FSTL4: variants seen among roughly 807,000 people sequenced by gnomAD.
FSTL4 encodes the protein follistatin-related protein 4.
In FSTL4, 28 loss-of-function variants were observed where a neutral mutation model predicts 78.2. The ratio of observed to expected loss-of-function variants is 0.36; its 90% CI spans 0.27 to 0.49. The LOEUF (loss-of-function observed/expected upper bound fraction) is 0.49, where lower values mean the gene tolerates loss of function less well. Among genes scored for constraint, FSTL4 ranks in the 20% least tolerant of loss-of-function variants. The pLI, the probability that FSTL4 is intolerant of heterozygous loss-of-function variation, is 0.98. For missense variants in FSTL4, 922 were observed against 1,084.9 expected, an observed-to-expected ratio of 0.85 and a Z score of 2.11; for synonymous variants, 422 against 440.5, an observed-to-expected ratio of 0.96 and a Z score of 0.53.
chr5:133,619,149 A>G, the FSTL4 span, among the ~76,000 whole-genome samples: 148 of 152,178 alleles, frequency 9.7e-4, no homozygotes, highest in Admixed American at 4.0e-3. Flanking sequence ...AGCTGGGGAG[A>G]CAAAGAGGTA....
At chr5:133,657,370 T>A in the FSTL4 span, among the ~76,000 whole-genome samples, 5,834 of 152,222 alleles carry the variant, frequency 0.038, 139 homozygotes, top group East Asian at 0.084. Context: ...CCCCAAGAGA[T>A]AGTAGTTACC....
At chr5:133,408,674 A>G (rs945331761) in intron 3 of FSTL4, among the ~76,000 whole-genome samples, 1 of 152,008 alleles carries the variant, frequency 6.6e-6, no homozygotes, top group Non-Finnish European at 1.5e-5. Context: ...ACACAGTAAA[A>G]CCTTGGCCTC....
At chr5:133,421,419 C>A (rs563986699) in intron 3 of FSTL4, among the ~76,000 whole-genome samples, 1 of 152,384 alleles carries the variant, frequency 6.6e-6, no homozygotes, top group South Asian at 2.1e-4. Context: ...GTTCTGGCTA[C>A]AGCCACTGTC....
At chr5:133,341,225 ATTTTT>A (rs1242311488) in intron 4 of FSTL4, among the ~76,000 whole-genome samples, 8 of 125,514 alleles carry the variant, frequency 6.4e-5, no homozygotes, top group Non-Finnish European at 1.2e-4. Context: ...TCCTGCTCAC[ATTTTT>A]TTTTTTTTTT....
chr5:133,265,689 C>T (rs1215547934), intron 6 of FSTL4, among the ~76,000 whole-genome samples: 1 of 152,184 alleles, frequency 6.6e-6, no homozygotes, highest in African/African-American at 2.4e-5. Flanking sequence ...GGAGTCACTC[C>T]CCCTCCCACT....
intron 2 of FSTL4, among the ~76,000 whole-genome samples, chr5:133,594,630 C>T (rs187155285): frequency 6.6e-6 from 1 of 152,320 alleles, no homozygotes; most frequent in East Asian, 1.9e-4. Flanking sequence ...CCTGGCAGGC[C>T]TCTCCCGTTT....
intron 14 of FSTL4, among the ~76,000 whole-genome samples, chr5:133,208,641 G>A (rs576530725): frequency 9.9e-5 from 15 of 152,210 alleles, no homozygotes; most frequent in Non-Finnish European, 1.6e-4. Context: ...TTATCTTTCA[G>A]ACTACTATTT....
chr5:133,681,336 A>G, the FSTL4 span, among the ~76,000 whole-genome samples: 1 of 152,230 alleles, frequency 6.6e-6, no homozygotes, highest in African/African-American at 2.4e-5. Flanking sequence ...ACACGGGCAT[A>G]TGCGCTCCTG....
At chr5:133,780,005 T>C in the FSTL4 span, among the ~76,000 whole-genome samples, 1 of 152,092 alleles carries the variant, frequency 6.6e-6, no homozygotes, top group Non-Finnish European at 1.5e-5. Context: ...TGTGACCCAA[T>C]ACCTCTGGGG....
chr5:133,691,223 A>G, the FSTL4 span, among the ~76,000 whole-genome samples: 146 of 152,364 alleles, frequency 9.6e-4, 1 homozygote, highest in African/African-American at 3.2e-3. Context: ...TGATTATATT[A>G]CAATTTCATC....
upstream of FSTL4, among the ~76,000 whole-genome samples, chr5:133,617,108 G>A (rs10077370): frequency 0.039 from 5,970 of 151,996 alleles, 196 homozygotes; most frequent in African/African-American, 0.093. Context: ...AGACCATCCC[G>A]GCCAACATGG....
chr5:133,713,182 G>T, the FSTL4 span, among the ~76,000 whole-genome samples: 1 of 152,030 alleles, frequency 6.6e-6, no homozygotes, highest in African/African-American at 2.4e-5. Context: ...TAAAAATTAA[G>T]ATAAATTTAT....
At chr5:133,451,043 T>C (rs1211704848) in intron 3 of FSTL4, among the ~76,000 whole-genome samples, 4 of 151,702 alleles carry the variant, frequency 2.6e-5, no homozygotes, top group African/African-American at 7.3e-5. Context: ...GGAAGAAGAA[T>C]GGAGGGAGAG....
chr5:133,570,391 C>T (rs1023450281), intron 2 of FSTL4, among the ~76,000 whole-genome samples: 1 of 152,036 alleles, frequency 6.6e-6, no homozygotes, highest in Non-Finnish European at 1.5e-5. Flanking sequence ...GGCACGATCT[C>T]GACTCACTGC....
chr5:133,704,968 T>G, the FSTL4 span, among the ~76,000 whole-genome samples: 12 of 152,262 alleles, frequency 7.9e-5, no homozygotes, highest in Non-Finnish European at 1.8e-4. Flanking sequence ...ACAAGACATT[T>G]CTTCCATGGA....
intron 3 of FSTL4, among the ~76,000 whole-genome samples, chr5:133,403,397 A>G (rs371441918): frequency 1.3e-5 from 2 of 152,258 alleles, no homozygotes; most frequent in East Asian, 1.9e-4. Context: ...CCCAAGTCCA[A>G]GTGTCCCTCT....
chr5:133,251,626 G>A (rs936271266), intron 6 of FSTL4, among the ~76,000 whole-genome samples: 4 of 152,120 alleles, frequency 2.6e-5, no homozygotes, highest in African/African-American at 9.7e-5. Context: ...TAGTCAGAGA[G>A]ATGGATTTGC....
chr5:133,341,976 G>A (rs763124992), intron 4 of FSTL4, among the ~76,000 whole-genome samples: 1 of 152,154 alleles, frequency 6.6e-6, no homozygotes, highest in Non-Finnish European at 1.5e-5. Context: ...AGGCACTCAG[G>A]GCTTCCTGTG....
chr5:133,726,053 C>A, the FSTL4 span, among the ~76,000 whole-genome samples: 2 of 152,210 alleles, frequency 1.3e-5, no homozygotes, highest in African/African-American at 4.8e-5. Context: ...CATTTACCTT[C>A]TCCAGAACGC....
Sources: allele counts gnomAD v4.1 joint callset (sites outside exome capture counted in the v4.1 genomes callset), GRCh38; gene constraint gnomAD v4.1.1; transcripts MANE v1.5; gene names NCBI Gene and HGNC (gene_info 2026-07-23, HGNC 2026-07-21).